Variants in ZYG11B observed in about 807,000 individuals in gnomAD.
The protein encoded by ZYG11B is zyg-11 family member B, cell cycle regulator, also known as protein zyg-11 homolog B.
In ZYG11B, 36 loss-of-function variants were observed where a neutral mutation model predicts 82.4. The observed-to-expected ratio is 0.44, with a 90% CI of 0.33 to 0.58. The LOEUF (loss-of-function observed/expected upper bound fraction) is 0.58. Ranked by LOEUF, ZYG11B falls within the 20% of genes least tolerant of loss-of-function variation. The probability of loss-of-function intolerance (pLI) is 0.02; values close to 1 mark genes in which losing one functional copy is unlikely to be tolerated. For missense variants in ZYG11B, 552 were observed against 895.6 expected (o/e 0.62, Z 4.90); for synonymous variants, 303 against 312.8 (o/e 0.97, Z 0.33).
rs1324482952 is a variant in ZYG11B, at chr1:52,785,053, G to A, written c.1269G>A (p.Gln423=). 4.3e-6 allele frequency: 7 copies of A among 1,612,444 alleles called. No homozygotes were observed. The African/African-American group carries it at 5.3e-5, about 12-fold the overall frequency. The change falls in exon 5 of 14, where the codon CAG becomes CAA. Residue 423 remains glutamine, a splice_region_variant and synonymous_variant. Coordinates refer to ENST00000294353, the MANE Select transcript of ZYG11B (RefSeq NM_024646.3). ...TGGAACATTTTCCCAATCACCAGCA[G>A]GTAAGCTTATGTGAATTCCTTTTCA... The part of the protein sequence containing the change: ...KAMEHFPNHQ[Q]LQKNCLLSLC...
chr1:52,785,940 C>A (rs576651266), intron 5 of ZYG11B, among the ~76,000 whole-genome samples: 1 of 152,084 alleles, frequency 6.6e-6, no homozygotes, highest in African/African-American at 2.4e-5. Flanking sequence ...CTCTGGAAGC[C>A]CGTCAGACAG....
At chr1:52,756,720 A>C (rs1248661994) in intron 2 of ZYG11B, 97 bp downstream of exon 2, 1 of 1,251,452 alleles carries the variant, frequency 8.0e-7, no homozygotes, top group East Asian at 2.5e-5. Flanking sequence ...CTTAGAAATA[A>C]CTGAGAAGGC....
At chr1:52,817,385 G>A (rs1199984949) in intron 13 of ZYG11B, among the ~76,000 whole-genome samples, 6 of 151,920 alleles carry the variant, frequency 3.9e-5, no homozygotes, top group Non-Finnish European at 8.8e-5. Flanking sequence ...TGAAAGCTAC[G>A]ATGTAACTCT....
chr1:52,794,114 A>G (rs567168775), intron 6 of ZYG11B, among the ~76,000 whole-genome samples: 1 of 151,958 alleles, frequency 6.6e-6, no homozygotes, highest in South Asian at 2.1e-4. Context: ...AGCTGAGACT[A>G]TAGGCGCGCA....
chr1:52,770,582 C>T (rs1386723937), intron 2 of ZYG11B, among the ~76,000 whole-genome samples: 1 of 152,108 alleles, frequency 6.6e-6, no homozygotes, highest in African/African-American at 2.4e-5. Context: ...CCTCATATAA[C>T]TATACTCTCT....
chr1:52,729,410 A>T (rs1426884800), intron 1 of ZYG11B, among the ~76,000 whole-genome samples: 1 of 152,252 alleles, frequency 6.6e-6, no homozygotes, highest in Non-Finnish European at 1.5e-5. Context: ...TTGTTAAAAC[A>T]TATACACACA....
At chr1:52,759,565 T>G (rs1371099756) in intron 2 of ZYG11B, among the ~76,000 whole-genome samples, 1 of 152,196 alleles carries the variant, frequency 6.6e-6, no homozygotes, top group Non-Finnish European at 1.5e-5. Context: ...GTCAGAAAAA[T>G]AACTTGTTGT....
chr1:52,740,561 CCTT>C (rs1237987616), intron 1 of ZYG11B, among the ~76,000 whole-genome samples: 1 of 147,148 alleles, frequency 6.8e-6, no homozygotes, highest in Admixed American at 6.7e-5. Context: ...CTTGGTACTA[CCTT>C]CTTTTTTTTT....
intron 2 of ZYG11B, among the ~76,000 whole-genome samples, chr1:52,766,117 T>A (rs796399967): frequency 2.4e-4 from 35 of 148,572 alleles, no homozygotes; most frequent in East Asian, 1.6e-3. Flanking sequence ...AAATTTTTTT[T>A]AAATTTTTTT....
chr1:52,784,908 T>G lies in ZYG11B; in HGVS notation c.1124T>G (p.Met375Arg). The G allele has an allele frequency of 6.2e-7, 1 of 1,613,866 alleles. No homozygotes were observed. The highest frequency in any genetic ancestry group is 8.5e-7 in the Non-Finnish European group (1 of 1,179,944). ...GTTACTGGGATGAGAAACCACCCTA[T>G]GAATTTGCCAGTGCAACTGGCTGCA... ...LVVTGMRNHP[M>R]NLPVQLAASA... Residue 375 changes from methionine (M) to arginine (R), a missense_variant, in exon 5 of 14, where the codon ATG becomes AGG. Met to Arg is a moderately conservative substitution (Grantham distance 91). Transcript: ENST00000294353.
chr1:52,756,358 A>G (rs1413711186), intron 1 of ZYG11B, 100 bp from the exon 2 acceptor site: 1 of 1,146,768 alleles, frequency 8.7e-7, no homozygotes, highest in African/African-American at 1.5e-5. Context: ...CACTAAAGAA[A>G]TACTTGTGAA....
At chr1:52,757,941 C>A (rs1383067381) in intron 2 of ZYG11B, among the ~76,000 whole-genome samples, 1 of 151,822 alleles carries the variant, frequency 6.6e-6, no homozygotes, top group African/African-American at 2.4e-5. Flanking sequence ...GTGGCTCACA[C>A]CTGTAATCCT....
At chr1:52,759,894 G>C in intron 2 of ZYG11B, among the ~76,000 whole-genome samples, 1 of 152,212 alleles carries the variant, frequency 6.6e-6, no homozygotes, top group East Asian at 1.9e-4. Flanking sequence ...GCAGTGGCGC[G>C]ATCTCGGCTC....
chr1:52,793,709 T>C (rs576524345), intron 6 of ZYG11B, among the ~76,000 whole-genome samples: 1 of 152,312 alleles, frequency 6.6e-6, no homozygotes, highest in South Asian at 2.1e-4. Flanking sequence ...CTTGTGGGCA[T>C]GTGTGAAGAC....
At chr1:52,810,282 C>T (rs1645172013) in intron 10 of ZYG11B, among the ~76,000 whole-genome samples, 1 of 152,142 alleles carries the variant, frequency 6.6e-6, no homozygotes, top group Admixed American at 6.5e-5. Context: ...CCTCTGTGAG[C>T]ACTATGCACT....
intron 1 of ZYG11B, among the ~76,000 whole-genome samples, chr1:52,756,187 C>A (rs1308661383): frequency 6.6e-6 from 1 of 152,282 alleles, no homozygotes; most frequent in Non-Finnish European, 1.5e-5. Flanking sequence ...TGATTAGAAC[C>A]CCCTGCTGTG....
At position 52,825,443 on chromosome 1, in the gene ZYG11B, T is replaced by C. The variant is rs1645316851; in HGVS notation, c.*3814T>C. The C allele has an allele frequency of 6.6e-6, 1 of 152,110 alleles. No individual in the cohort carries two copies. The highest frequency in any genetic ancestry group is 1.5e-5 in the Non-Finnish European group (1 of 68,024). The allele number at this position is 152,110 out of a possible 1,614,324, so 9.4% of individuals were successfully genotyped here. On this transcript the variant is annotated 3_prime_UTR_variant, in exon 14 of 14. Coordinates refer to ENST00000294353, the MANE Select transcript of ZYG11B (RefSeq NM_024646.3). ...GGACAGTAATGCCTTATAGTGGCAC[T>C]AGTCACCTTAAGTAGATTACACATG...
chr1:52,815,730 C>T (rs920006147), intron 12 of ZYG11B, among the ~76,000 whole-genome samples: 1 of 151,834 alleles, frequency 6.6e-6, no homozygotes, highest in Non-Finnish European at 1.5e-5. Flanking sequence ...GTCAGGAGAT[C>T]GAGACTATCC....
At chr1:52,734,164 A>AT (rs968205114) in intron 1 of ZYG11B, among the ~76,000 whole-genome samples, 5 of 151,762 alleles carry the variant, frequency 3.3e-5, no homozygotes, top group African/African-American at 9.7e-5. Flanking sequence ...TGCCCAGCTA[A>AT]TTTTTTTTAT....
Sources: gnomAD v4.1 joint callset for allele counts (sites outside exome capture counted in the v4.1 genomes callset) on GRCh38, gnomAD v4.1.1 for gene constraint, MANE v1.5 for transcripts, NCBI Gene and HGNC (gene_info 2026-07-23, HGNC 2026-07-21) for gene names.